The following CYB5B variants were observed in gnomAD, a reference collection of about 807,000 sequenced individuals.
The protein encoded by CYB5B is cytochrome b5 type B (outer mitochondrial membrane).
CYB5B carries 14 observed loss-of-function variants against 21.3 expected under a neutral mutation model. That is an observed-to-expected ratio of 0.66 (90% CI 0.43 to 1.03). CYB5B has a LOEUF of 1.03. CYB5B is among the 50% of genes least tolerant of loss of function. The probability of loss-of-function intolerance (pLI) is 0.00; values close to 1 mark genes in which losing one functional copy is unlikely to be tolerated. For synonymous variants in CYB5B, 69 were observed against 68.4 expected (o/e 1.01, Z -0.04); for missense variants, 166 against 185.1 (o/e 0.90, Z 0.60).
In CYB5B at chr16:69,424,956, G is replaced by C. The variant is rs74459728; in HGVS notation, c.174+99G>C. 5,449 of 1,271,736 alleles carry C rather than the reference G, an allele frequency of 4.3e-3. 363 individuals carry two copies. The East Asian group carries it at 0.14, about 32-fold the overall frequency. 78.8% of individuals were successfully genotyped at this position (1,271,736 alleles called of 1,614,324 possible). ...GGAAGGAAGGGAGGCTTGGCTGGGG[G>C]CGATAAGGCGTAAGAAAGGGATCAC... On this transcript the variant is annotated intron_variant, in intron 1 of 4. Coordinates refer to ENST00000307892, the MANE Select transcript of CYB5B (RefSeq NM_030579.3).
intron 1 of CYB5B, among the ~76,000 whole-genome samples, chr16:69,444,790 A>C (rs2014861565): frequency 6.6e-6 from 1 of 152,182 alleles, no homozygotes; most frequent in Admixed American, 6.6e-5. Flanking sequence ...AAAAAATTGT[A>C]GACTAATGGC....
chr16:69,453,047 C>G (rs1429560341), intron 3 of CYB5B, among the ~76,000 whole-genome samples: 3 of 151,374 alleles, frequency 2.0e-5, no homozygotes, highest in Non-Finnish European at 4.4e-5. Context: ...ATTTAGTATT[C>G]CATAGATGAA....
At chr16:69,446,126 C>T (rs2142819825) in intron 1 of CYB5B, among the ~76,000 whole-genome samples, 1 of 151,996 alleles carries the variant, frequency 6.6e-6, no homozygotes, top group East Asian at 1.9e-4. Flanking sequence ...TTATGCTCTT[C>T]TGGAGTGCAA....
chr16:69,425,382 A>G (rs1427369830), intron 1 of CYB5B, among the ~76,000 whole-genome samples: 1 of 151,088 alleles, frequency 6.6e-6, no homozygotes, highest in Non-Finnish European at 1.5e-5. Flanking sequence ...ATCTGAGTTG[A>G]CCTTGAGGCC....
At chr16:69,451,273 C>G (rs1185381249) in intron 3 of CYB5B, among the ~76,000 whole-genome samples, 1 of 152,122 alleles carries the variant, frequency 6.6e-6, no homozygotes, top group Non-Finnish European at 1.5e-5. Flanking sequence ...CGGAAACTCA[C>G]CTTAGAAACA....
chr16:69,459,889 A>G (rs1481391275), intron 4 of CYB5B, among the ~76,000 whole-genome samples: 1 of 152,186 alleles, frequency 6.6e-6, no homozygotes, highest in East Asian at 1.9e-4. Context: ...AGGGCTTAGG[A>G]TCAGCGAAAT....
intron 1 of CYB5B, among the ~76,000 whole-genome samples, chr16:69,435,604 C>T (rs1432678027): frequency 6.6e-6 from 1 of 152,016 alleles, no homozygotes; most frequent in African/African-American, 2.4e-5. Context: ...TGTTGCCTGT[C>T]CAGTGGAATT....
chr16:69,459,903 G>A (rs976633497), intron 4 of CYB5B, among the ~76,000 whole-genome samples: 31 of 152,098 alleles, frequency 2.0e-4, no homozygotes, highest in African/African-American at 6.5e-4. Flanking sequence ...GCGAAATGCT[G>A]CATAAAAATT....
intron 1 of CYB5B, among the ~76,000 whole-genome samples, chr16:69,440,952 C>G (rs2014815718): frequency 6.6e-6 from 1 of 151,614 alleles, no homozygotes; most frequent in African/African-American, 2.4e-5. Context: ...CGCCGCCGTG[C>G]CTGGCCTTCA....
At chr16:69,449,196 C>A (rs2014907833) in intron 3 of CYB5B, 2 of 150,934 alleles carry the variant, frequency 1.3e-5, no homozygotes, top group African/African-American at 2.4e-5. Flanking sequence ...ATGTACTATC[C>A]ATTCTTGAAT....
intron 1 of CYB5B, among the ~76,000 whole-genome samples, chr16:69,435,560 G>A (rs2014751701): frequency 6.6e-6 from 1 of 152,112 alleles, no homozygotes; most frequent in Non-Finnish European, 1.5e-5. Flanking sequence ...AATTCCTACT[G>A]TACTTCTCCA....
intron 1 of CYB5B, among the ~76,000 whole-genome samples, chr16:69,442,327 C>T (rs997917252): frequency 6.6e-6 from 1 of 151,990 alleles, no homozygotes; most frequent in African/African-American, 2.4e-5. Context: ...TTCTCTGCCT[C>T]TCATTTCTAG....
At chr16:69,435,684 C>G (rs558742920) in intron 1 of CYB5B, among the ~76,000 whole-genome samples, 15 of 152,134 alleles carry the variant, frequency 9.9e-5, no homozygotes, top group Non-Finnish European at 2.1e-4. Flanking sequence ...GTCTCCCAGG[C>G]TGGAGTGCAG....
intron 4 of CYB5B, among the ~76,000 whole-genome samples, chr16:69,461,182 G>A (rs2015032324): frequency 6.7e-6 from 1 of 150,348 alleles, no homozygotes; most frequent in Non-Finnish European, 1.5e-5. Flanking sequence ...TCCGGCCTGG[G>A]TGACAATGAG....
rs1597289298 is a variant in CYB5B, at chr16:69,463,645, G to T, written c.*1125G>T. The stretch of plus-strand genomic sequence containing the variant: ...GTAAGAGACTCCAGCATGGCCTTCT[G>T]TTTGCCCCGCAGTAAAGTAACTTCC... On this transcript the variant is annotated 3_prime_UTR_variant, in exon 5 of 5. Coordinates refer to ENST00000307892, the MANE Select transcript of CYB5B (RefSeq NM_030579.3). The T allele has an allele frequency of 6.6e-6, 1 of 152,240 alleles. No individual in the cohort carries two copies. Among genetic ancestry groups the T allele is most frequent in the South Asian group, 2.1e-4 (1 of 4,828 alleles). The allele number at this position is 152,240 out of a possible 1,614,324, so 9.4% of individuals were successfully genotyped here. A position where few individuals can be genotyped will look rare whatever the true frequency, so the allele number is the denominator to read the frequency against.
At chr16:69,441,183 T>C (rs1449390636) in intron 1 of CYB5B, among the ~76,000 whole-genome samples, 1 of 150,220 alleles carries the variant, frequency 6.7e-6, no homozygotes, top group African/African-American at 2.5e-5. Context: ...AGATGGAGTC[T>C]TGCTCTGTTG....
chr16:69,426,398 C>CAAA (rs72024712), intron 1 of CYB5B, among the ~76,000 whole-genome samples: 1 of 80,528 alleles, frequency 1.2e-5, no homozygotes, highest in Admixed American at 1.4e-4. Flanking sequence ...GATTCCATCT[C>CAAA]AAAAAAAAAA....
intron 1 of CYB5B, among the ~76,000 whole-genome samples, chr16:69,425,859 A>C (rs1235629892): frequency 2.0e-5 from 3 of 152,202 alleles, no homozygotes; most frequent in African/African-American, 7.2e-5. Flanking sequence ...CAATAGATTA[A>C]TGACTTGTGA....
chr16:69,426,428 C>T (rs2014647621), intron 1 of CYB5B, among the ~76,000 whole-genome samples: 1 of 149,810 alleles, frequency 6.7e-6, no homozygotes, highest in Non-Finnish European at 1.5e-5. Flanking sequence ...CTTTCCCGGC[C>T]AGGTGTGGTG....
Sources: gnomAD v4.1 joint callset for allele counts (sites outside exome capture counted in the v4.1 genomes callset) on GRCh38, gnomAD v4.1.1 for gene constraint, MANE v1.5 for transcripts, NCBI Gene and HGNC (gene_info 2026-07-23, HGNC 2026-07-21) for gene names.